NPAS3: variants seen among roughly 807,000 people sequenced by gnomAD.
NPAS3 encodes the protein neuronal PAS domain-containing protein 3.
In NPAS3, 14 loss-of-function variants were observed where a neutral mutation model predicts 73.1. That is an observed-to-expected ratio of 0.19 (90% CI 0.13 to 0.30). NPAS3 has a LOEUF of 0.30. NPAS3 is among the 10% of genes least tolerant of loss of function. The probability of loss-of-function intolerance (pLI) is 1.00; values close to 1 mark genes in which losing one functional copy is unlikely to be tolerated. For missense variants in NPAS3, 1,096 were observed against 1,250.0 expected (o/e 0.88, Z 1.86); for synonymous variants, 620 against 541.5 (o/e 1.14, Z -2.01).
chr14:33,786,357 ATACCTG>A (rs1291189315), intron 9 of NPAS3, among the ~76,000 whole-genome samples: 1 of 152,226 alleles, frequency 6.6e-6, no homozygotes, highest in African/African-American at 2.4e-5. Flanking sequence ...TAGTTTTTAC[ATACCTG>A]TGCCTCACTA....
In NPAS3 at chr14:33,166,722, T is replaced by TG. The variant is rs1451754993; in HGVS notation, c.141-48459dup. Among the ~76,000 whole-genome samples the TG allele has an allele frequency of 2.6e-5, 4 of 152,166 alleles. No homozygotes were observed. The East Asian group carries it at 7.7e-4, about 29-fold the overall frequency. The stretch of plus-strand genomic sequence containing the variant: ...GCAGAATTATGGTGCTGGCTTCCAT[T>TG]GAATGGCAAATGGGATGAGATGGTA... On this transcript the variant is annotated intron_variant, in intron 2 of 11. Coordinates refer to ENST00000356141, the Ensembl canonical transcript of NPAS3.
intron 3 of NPAS3, among the ~76,000 whole-genome samples, chr14:33,348,483 A>C (rs957588671): frequency 3.3e-5 from 5 of 152,198 alleles, no homozygotes; most frequent in African/African-American, 1.2e-4. Flanking sequence ...CTAGTCATGG[A>C]ACCCCTCATT....
At chr14:32,952,108 T>A (rs1054130712) in intron 1 of NPAS3, among the ~76,000 whole-genome samples, 1 of 152,018 alleles carries the variant, frequency 6.6e-6, no homozygotes, top group Non-Finnish European at 1.5e-5. Context: ...ACATATATTC[T>A]ATGTATCATA....
At chr14:33,503,673 T>C (rs2052623605) in intron 4 of NPAS3, among the ~76,000 whole-genome samples, 1 of 151,960 alleles carries the variant, frequency 6.6e-6, no homozygotes, top group South Asian at 2.1e-4. Context: ...AAAAACTGCA[T>C]GTTCTAGAGA....
At chr14:33,659,078 A>G (rs146565614) in intron 5 of NPAS3, among the ~76,000 whole-genome samples, 2 of 152,344 alleles carry the variant, frequency 1.3e-5, no homozygotes, top group African/African-American at 4.8e-5. Context: ...CAATTAACAC[A>G]TAGAACATTT....
intron 3 of NPAS3, among the ~76,000 whole-genome samples, chr14:33,343,202 A>AAAG (rs2044567535): frequency 2.6e-5 from 4 of 152,088 alleles, no homozygotes; most frequent in African/African-American, 9.7e-5. Context: ...GTGATTTCGC[A>AAAG]ACTTTAGGTC....
In NPAS3 at chr14:33,279,755, A is replaced by G. The variant is rs114615870; in HGVS notation, c.385+64329A>G. ...GGAACAGTTCAGAAAAATAGTTGGG[A>G]TCTTGCATTATGTAATGTCAGAATA... On this transcript the variant is annotated intron_variant, in intron 3 of 11. Coordinates refer to ENST00000356141, the Ensembl canonical transcript of NPAS3. 5.6e-3 allele frequency among the ~76,000 whole-genome samples: 859 copies of G among 152,256 alleles called. 8 individuals carry two copies. The highest frequency in any genetic ancestry group is 0.02 in the African/African-American group (819 of 41,546).
intron 2 of NPAS3, among the ~76,000 whole-genome samples, chr14:33,212,880 T>C (rs2047089006): frequency 6.6e-6 from 1 of 152,220 alleles, no homozygotes; most frequent in Admixed American, 6.5e-5. Flanking sequence ...GAAACTACTT[T>C]TATAATTGTC....
intron 5 of NPAS3, among the ~76,000 whole-genome samples, chr14:33,614,936 G>GA (rs2057867154): frequency 1.3e-5 from 2 of 151,874 alleles, no homozygotes; most frequent in African/African-American, 4.8e-5. Context: ...AGAATTGTAG[G>GA]AAAAAAGGAG....
chr14:33,053,994 G>A (rs1008415924), intron 1 of NPAS3, among the ~76,000 whole-genome samples: 2 of 152,128 alleles, frequency 1.3e-5, no homozygotes, highest in Non-Finnish European at 2.9e-5. Flanking sequence ...GAGATATAGA[G>A]TATTTCAGTG....
chr14:33,284,312 A>T (rs1490423963), intron 3 of NPAS3, among the ~76,000 whole-genome samples: 1 of 150,872 alleles, frequency 6.6e-6, no homozygotes, highest in African/African-American at 2.5e-5. Flanking sequence ...TTGTTTCTTC[A>T]TAGAAACAGT....
At chr14:33,436,374 G>T (rs762349932) in intron 4 of NPAS3, among the ~76,000 whole-genome samples, 3 of 152,138 alleles carry the variant, frequency 2.0e-5, no homozygotes, top group Non-Finnish European at 4.4e-5. Context: ...GGCAAGTGTG[G>T]TATATTTCAA....
chr14:32,999,850 A>G (rs1372800067), intron 1 of NPAS3, among the ~76,000 whole-genome samples: 2 of 152,206 alleles, frequency 1.3e-5, no homozygotes, highest in Non-Finnish European at 2.9e-5. Context: ...GAATATTATA[A>G]CTTAGGATGT....
intron 2 of NPAS3, among the ~76,000 whole-genome samples, chr14:33,118,481 C>A (rs2043134886): frequency 6.6e-6 from 1 of 152,038 alleles, no homozygotes; most frequent in East Asian, 1.9e-4. Context: ...TGGTAATCTT[C>A]AAAATATCCT....
At chr14:33,462,314 G>A (rs11848906) in intron 4 of NPAS3, among the ~76,000 whole-genome samples, 3,517 of 152,236 alleles carry the variant, frequency 0.023, 133 homozygotes, top group African/African-American at 0.08. Context: ...CATTATTGCT[G>A]CTGGCAAACC....
At chr14:33,512,542 A>C (rs1215882076) in intron 4 of NPAS3, among the ~76,000 whole-genome samples, 1 of 152,064 alleles carries the variant, frequency 6.6e-6, no homozygotes, top group East Asian at 1.9e-4. Flanking sequence ...CATTTGTGGA[A>C]AACAATTTAA....
intron 6 of NPAS3, among the ~76,000 whole-genome samples, chr14:33,692,866 C>CAAAAAAT (rs2060272501): frequency 8.1e-6 from 1 of 122,838 alleles, no homozygotes; most frequent in Non-Finnish European, 1.7e-5. Flanking sequence ...AAAAAAAAGC[C>CAAAAAAT]TTGAGTTAAT....
At chr14:33,249,497 T>A (rs2048504333) in intron 3 of NPAS3, among the ~76,000 whole-genome samples, 1 of 152,184 alleles carries the variant, frequency 6.6e-6, no homozygotes, top group East Asian at 1.9e-4. Flanking sequence ...AAGCCTCATT[T>A]GTCTGTCTAA....
chr14:33,468,866 T>C (rs1415263827), intron 4 of NPAS3, among the ~76,000 whole-genome samples: 10 of 152,202 alleles, frequency 6.6e-5, no homozygotes. Context: ...TCTTGCCTTG[T>C]ATTGAATGCA....
Sources: gnomAD v4.1 joint callset for allele counts (sites outside exome capture counted in the v4.1 genomes callset) on GRCh38, gnomAD v4.1.1 for gene constraint, MANE v1.5 for transcripts, NCBI Gene and HGNC (gene_info 2026-07-23, HGNC 2026-07-21) for gene names.